The following LINGO2 variants were observed in gnomAD, a reference collection of about 807,000 sequenced individuals.
LINGO2 encodes the protein leucine rich repeat and Ig domain containing 2, also known as leucine-rich repeat and immunoglobulin-like domain-containing nogo receptor-interacting protein 2.
In LINGO2, 14 loss-of-function variants were observed where a neutral mutation model predicts 30.6. The observed-to-expected ratio is 0.46, with a 90% CI of 0.30 to 0.72. The LOEUF (loss-of-function observed/expected upper bound fraction) is 0.72. LINGO2 is among the 30% of genes least tolerant of loss of function. The pLI is 0.07. For missense variants in LINGO2, 729 were observed against 751.7 expected (o/e 0.97, Z 0.35); for synonymous variants, 317 against 288.5 (o/e 1.10, Z -1.00).
chr9:28,493,752 A>G (rs113247028), intron 1 of LINGO2, among the ~76,000 whole-genome samples: 21 of 152,326 alleles, frequency 1.4e-4, no homozygotes, highest in African/African-American at 5.1e-4. Context: ...AAGCAGACCC[A>G]CACTTAATCT....
the LINGO2 span, among the ~76,000 whole-genome samples, chr9:28,871,530 T>C: frequency 1.4e-4 from 22 of 151,942 alleles, no homozygotes; most frequent in South Asian, 8.3e-4. Context: ...CATTAAAATA[T>C]AGAAAATAAG....
At chr9:28,710,136 T>C in the LINGO2 span, among the ~76,000 whole-genome samples, 3 of 151,556 alleles carry the variant, frequency 2.0e-5, no homozygotes, top group African/African-American at 7.3e-5. Flanking sequence ...CATTGGGAGC[T>C]GATTGGGTCA....
At chr9:28,710,967 T>C in the LINGO2 span, among the ~76,000 whole-genome samples, 2 of 113,068 alleles carry the variant, frequency 1.8e-5, no homozygotes, top group Admixed American at 9.4e-5. Context: ...CAAGGAAATA[T>C]GGTTTGGGGA....
chr9:28,296,676 C>T (rs1398985177), intron 3 of LINGO2, among the ~76,000 whole-genome samples: 1 of 152,150 alleles, frequency 6.6e-6, no homozygotes, highest in Non-Finnish European at 1.5e-5. Flanking sequence ...GAATGCAGCA[C>T]TTCAAAATAA....
At chr9:28,200,495 C>G (rs953598803) in intron 4 of LINGO2, among the ~76,000 whole-genome samples, 2 of 149,988 alleles carry the variant, frequency 1.3e-5, no homozygotes, top group African/African-American at 4.9e-5. Flanking sequence ...AGGTATAGTT[C>G]TCTTAAGGAA....
At chr9:28,751,551 T>A in the LINGO2 span, among the ~76,000 whole-genome samples, 1 of 152,068 alleles carries the variant, frequency 6.6e-6, no homozygotes. Context: ...TCTCTTGGCA[T>A]ATTATTTAGT....
At chr9:28,479,862 T>C (rs1190759153) in intron 1 of LINGO2, among the ~76,000 whole-genome samples, 2 of 69,864 alleles carry the variant, frequency 2.9e-5, no homozygotes, top group African/African-American at 8.6e-5. Flanking sequence ...TGTGTGTGTG[T>C]GTGTGTGTGT....
At chr9:28,409,822 T>C (rs1054071820) in intron 2 of LINGO2, among the ~76,000 whole-genome samples, 1 of 150,948 alleles carries the variant, frequency 6.6e-6, no homozygotes, top group Admixed American at 6.7e-5. Context: ...CAACAACCTC[T>C]TTAAACTAAT....
At chr9:28,834,255 C>T in the LINGO2 span, among the ~76,000 whole-genome samples, 1 of 152,108 alleles carries the variant, frequency 6.6e-6, no homozygotes, top group Non-Finnish European at 1.5e-5. Flanking sequence ...AGAAACTGAA[C>T]CCAGGCCTCT....
the LINGO2 span, among the ~76,000 whole-genome samples, chr9:28,944,062 G>C: frequency 6.6e-6 from 1 of 152,174 alleles, no homozygotes; most frequent in Admixed American, 6.5e-5. Flanking sequence ...CACAGAAGGA[G>C]TCCTGGACTG....
At chr9:29,195,520 T>C in the LINGO2 span, among the ~76,000 whole-genome samples, 11 of 152,182 alleles carry the variant, frequency 7.2e-5, no homozygotes, top group South Asian at 1.9e-3. Context: ...TTAGAAACTT[T>C]CATACTGTTT....
intron 4 of LINGO2, among the ~76,000 whole-genome samples, chr9:28,157,322 C>T (rs1047861696): frequency 6.6e-6 from 1 of 152,192 alleles, no homozygotes; most frequent in African/African-American, 2.4e-5. Context: ...AAGCCATGGT[C>T]CAAGCTCTAC....
the LINGO2 span, among the ~76,000 whole-genome samples, chr9:28,975,549 T>G: frequency 6.6e-6 from 1 of 152,172 alleles, no homozygotes; most frequent in African/African-American, 2.4e-5. Context: ...CATGCAAAAG[T>G]AGAAACAGCC....
chr9:28,971,730 G>T, the LINGO2 span, among the ~76,000 whole-genome samples: 1 of 152,234 alleles, frequency 6.6e-6, no homozygotes, highest in Admixed American at 6.5e-5. Flanking sequence ...TTGGTGCCCT[G>T]AATGTAAGGA....
chr9:28,136,701 A>C (rs1827527393), intron 4 of LINGO2, among the ~76,000 whole-genome samples: 1 of 152,176 alleles, frequency 6.6e-6, no homozygotes, highest in Admixed American at 6.5e-5. Flanking sequence ...ATTAGAATAT[A>C]CCATATCCCA....
intron 1 of LINGO2, among the ~76,000 whole-genome samples, chr9:28,506,501 C>CT (rs1820139563): frequency 1.2e-5 from 1 of 85,366 alleles, no homozygotes; most frequent in Admixed American, 1.5e-4. Flanking sequence ...CACACACACA[C>CT]AGACATATAT....
intron 5 of LINGO2, among the ~76,000 whole-genome samples, chr9:27,955,794 C>G (rs1819533086): frequency 2.0e-5 from 3 of 151,852 alleles, no homozygotes; most frequent in Non-Finnish European, 4.4e-5. Context: ...GAAATATATA[C>G]CTATATATAG....
At chr9:28,369,574 G>C (rs1820817999) in intron 3 of LINGO2, among the ~76,000 whole-genome samples, 1 of 152,078 alleles carries the variant, frequency 6.6e-6, no homozygotes, top group Admixed American at 6.6e-5. Flanking sequence ...CTCTTCCATA[G>C]GAAAACCTAG....
the LINGO2 span, among the ~76,000 whole-genome samples, chr9:28,862,666 T>G: frequency 2.0e-5 from 3 of 152,142 alleles, no homozygotes; most frequent in Admixed American, 6.6e-5. Flanking sequence ...CCTGTACCAC[T>G]GTCACTTAGG....
Sources: gnomAD v4.1 joint callset for allele counts (sites outside exome capture counted in the v4.1 genomes callset) on GRCh38, gnomAD v4.1.1 for gene constraint, MANE v1.5 for transcripts, NCBI Gene and HGNC (gene_info 2026-07-23, HGNC 2026-07-21) for gene names.